Variants in SFMBT2 observed in about 807,000 individuals in gnomAD.
SFMBT2 encodes the protein scm-like with four MBT domains protein 2.
In SFMBT2, 38 loss-of-function variants were observed where a neutral mutation model predicts 110.1. That is an observed-to-expected ratio of 0.35 (90% CI 0.27 to 0.45). The LOEUF (loss-of-function observed/expected upper bound fraction) is 0.45. SFMBT2 is among the 20% of genes least tolerant of loss of function. The pLI, the probability that SFMBT2 is intolerant of heterozygous loss-of-function variation, is 1.00. For missense variants in SFMBT2, 1,011 were observed against 1,094.9 expected (o/e 0.92, Z 1.08); for synonymous variants, 425 against 425.4 (o/e 1.00, Z 0.01).
chr10:7,331,779 G>A (rs779272829), intron 4 of SFMBT2, among the ~76,000 whole-genome samples: 21 of 151,968 alleles, frequency 1.4e-4, no homozygotes, highest in African/African-American at 3.9e-4. Context: ...CAAGGCAGGC[G>A]GTTCACCTGA....
At chr10:7,306,392 A>C (rs988687261) in intron 4 of SFMBT2, among the ~76,000 whole-genome samples, 5 of 152,242 alleles carry the variant, frequency 3.3e-5, no homozygotes, top group African/African-American at 9.6e-5. Flanking sequence ...TTGTGTCCGT[A>C]AATAAAGTTT....
At chr10:7,276,732 T>C (rs1488964576) in intron 7 of SFMBT2, among the ~76,000 whole-genome samples, 160 bp downstream of exon 7, 1 of 152,120 alleles carries the variant, frequency 6.6e-6, no homozygotes, top group Non-Finnish European at 1.5e-5. Context: ...TTCACCATGT[T>C]AGCCAGGATG....
chr10:7,392,242 C>A (rs1400953411), intron 1 of SFMBT2, among the ~76,000 whole-genome samples: 1 of 151,988 alleles, frequency 6.6e-6, no homozygotes, highest in Non-Finnish European at 1.5e-5. Flanking sequence ...TGCCTGGGTG[C>A]GGTGGCTCAC....
intron 2 of SFMBT2, among the ~76,000 whole-genome samples, chr10:7,371,042 C>A (rs1177100937): frequency 6.6e-6 from 1 of 152,168 alleles, no homozygotes; most frequent in Non-Finnish European, 1.5e-5. Flanking sequence ...GTTTCTCCAA[C>A]CACAAGGAAT....
intron 4 of SFMBT2, among the ~76,000 whole-genome samples, chr10:7,363,354 CTTT>C (rs869081978): frequency 4.8e-5 from 7 of 145,238 alleles, no homozygotes; most frequent in East Asian, 2.0e-4. Context: ...TAAACCTCCT[CTTT>C]TTTTTTTTTT....
At chr10:7,315,038 G>GAGAAAGAAAGAAAGAAAGAAAGAA (rs545155500) in intron 4 of SFMBT2, among the ~76,000 whole-genome samples, 22 of 82,250 alleles carry the variant, frequency 2.7e-4, no homozygotes, top group South Asian at 9.0e-4. Context: ...AAGAAAGAAA[G>GAGAAAGAAAGAAAGAAAGAAAGAA]AGAAAGAAAG....
intron 6 of SFMBT2, among the ~76,000 whole-genome samples, chr10:7,281,653 G>A (rs1343648110): frequency 6.6e-6 from 1 of 152,144 alleles, no homozygotes; most frequent in African/African-American, 2.4e-5. Context: ...TCTTCCCAGG[G>A]ATGCTGTTCT....
At chr10:7,379,899 G>A (rs980266439) in intron 2 of SFMBT2, among the ~76,000 whole-genome samples, 3 of 152,176 alleles carry the variant, frequency 2.0e-5, no homozygotes, top group South Asian at 2.1e-4. Flanking sequence ...TCATTTTCCC[G>A]ACACCAGATT....
At chr10:7,321,545 G>A (rs1384202751) in intron 4 of SFMBT2, among the ~76,000 whole-genome samples, 8 of 152,270 alleles carry the variant, frequency 5.3e-5, no homozygotes, top group African/African-American at 1.7e-4. Context: ...TAACGTCAGG[G>A]ATAAAATATC....
chr10:7,226,946 GGCCT>G (rs1839915086), intron 10 of SFMBT2, among the ~76,000 whole-genome samples: 3 of 152,062 alleles, frequency 2.0e-5, no homozygotes, highest in Admixed American at 2.0e-4. Flanking sequence ...ACAATGAAGC[GGCCT>G]GATGATGCAT....
intron 8 of SFMBT2, among the ~76,000 whole-genome samples, chr10:7,245,696 C>T (rs1021553027): frequency 3.9e-5 from 6 of 152,202 alleles, no homozygotes. Context: ...CAACACACTT[C>T]GCTTACAAAG....
intron 4 of SFMBT2, among the ~76,000 whole-genome samples, chr10:7,336,169 G>A (rs1377580334): frequency 6.6e-6 from 1 of 152,152 alleles, no homozygotes; most frequent in East Asian, 1.9e-4. Flanking sequence ...TGTTAATTGA[G>A]TCATAAAAGC....
rs955967937 is a variant in SFMBT2 at position 7,342,723 on chromosome 10, G to T, written c.436+24926C>A. Among the ~76,000 whole-genome samples, 4 of 152,078 alleles carry T rather than the reference G, an allele frequency of 2.6e-5. No homozygotes were observed. In the East Asian group the frequency reaches 5.8e-4, roughly 22 times the overall value. ...GGAGTGAGTCTTTCAATCACCAAAG[G>T]AAGTTTATTTACCTAACTCCATTAT... On this transcript the variant is annotated intron_variant, in intron 4 of 20. Transcript: ENST00000397167.
chr10:7,207,316 C>T (rs1747696789), intron 11 of SFMBT2, among the ~76,000 whole-genome samples: 1 of 149,820 alleles, frequency 6.7e-6, no homozygotes, highest in African/African-American at 2.5e-5. Context: ...GCAGTGATTG[C>T]ACTATTGTAC....
chr10:7,384,097 G>A (rs1248676626), intron 1 of SFMBT2, among the ~76,000 whole-genome samples: 1 of 150,712 alleles, frequency 6.6e-6, no homozygotes, highest in Non-Finnish European at 1.5e-5. Flanking sequence ...TGTAATCCCA[G>A]CTACTCGGGA....
At chr10:7,197,819 G>A (rs1838826272) in intron 14 of SFMBT2, 132 bp from the exon 15 acceptor site, 2 of 1,286,904 alleles carry the variant, frequency 1.6e-6, no homozygotes, top group Non-Finnish European at 2.0e-6. Flanking sequence ...TGGCTGATGG[G>A]GAGTCAGGCG....
chr10:7,286,994 T>C (rs1842109609), intron 4 of SFMBT2, among the ~76,000 whole-genome samples: 1 of 151,832 alleles, frequency 6.6e-6, no homozygotes, highest in African/African-American at 2.4e-5. Context: ...CTGAGGCTGT[T>C]TCAGTTATCC....
rs1365567504 is a variant in SFMBT2 at position 7,186,455 on chromosome 10, C to T, written c.1808+2169G>A. ...ACACACACACACACACACACACACACACACATATATATATATATAAAAATA... is the reference window on the plus strand; with the variant it reads ...ACACACACACACACACACACACACATACACATATATATATATATAAAAATA... On this transcript the variant is annotated intron_variant, in intron 16 of 20. Coordinates refer to ENST00000397167, the MANE Select transcript of SFMBT2 (RefSeq NM_001387889.1). Among the ~76,000 whole-genome samples, 400 of 115,370 alleles carry T rather than the reference C, an allele frequency of 3.5e-3. 3 individuals carry two copies. The highest frequency in any genetic ancestry group is 0.014 in the African/African-American group (375 of 26,476). The allele number at this position is 115,370 out of a possible 152,430, so 75.7% of individuals were successfully genotyped here.
Position 7,269,886 on chromosome 10 carries a change from C to T in SFMBT2, c.870+7006G>A, listed in dbSNP as rs139433299. 2.2e-4 allele frequency among the ~76,000 whole-genome samples: 33 copies of T among 151,006 alleles called. No individual in the cohort carries two copies. In the East Asian group the frequency reaches 6.6e-3, roughly 30 times the overall value. On this transcript the variant is annotated intron_variant, in intron 7 of 20. Coordinates refer to ENST00000397167, the MANE Select transcript of SFMBT2 (RefSeq NM_001387889.1). ...AAGACAGTTGGATCCTCATCCCATG[C>T]ATCCATACCATTTCTCTGAACATTA... is the stretch of plus-strand genomic sequence containing the variant.
Sources: allele counts gnomAD v4.1 joint callset (sites outside exome capture counted in the v4.1 genomes callset), GRCh38; gene constraint gnomAD v4.1.1; transcripts MANE v1.5; gene names NCBI Gene and HGNC (gene_info 2026-07-23, HGNC 2026-07-21).